The following CHRM3 variants were observed in gnomAD, a reference collection of about 807,000 sequenced individuals.
CHRM3 encodes cholinergic receptor muscarinic 3.
Under a neutral mutation model 41.8 loss-of-function variants are expected in CHRM3, and 11 were observed. That is an observed-to-expected ratio of 0.26 (90% CI 0.17 to 0.44). CHRM3 has a LOEUF of 0.44. Among genes scored for constraint, CHRM3 ranks in the 20% least tolerant of loss-of-function variants. CHRM3 has a pLI of 1.00. For missense variants in CHRM3, 571 were observed against 745.4 expected (o/e 0.77, Z 2.72); for synonymous variants, 297 against 301.4 (o/e 0.99, Z 0.15).
intron 1 of CHRM3, among the ~76,000 whole-genome samples, chr1:239,422,403 C>G (rs993120253): frequency 3.9e-5 from 6 of 151,982 alleles, no homozygotes; most frequent in African/African-American, 1.4e-4. Flanking sequence ...TTCTAGTTTA[C>G]CTTGTTTCCT....
intron 4 of CHRM3, among the ~76,000 whole-genome samples, chr1:239,652,520 C>T (rs544133925): frequency 6.6e-6 from 1 of 152,208 alleles, no homozygotes; most frequent in South Asian, 2.1e-4. Context: ...AATAATTTTA[C>T]CTGTTTTTTA....
chr1:239,443,800 G>A (rs1663914917), intron 1 of CHRM3, among the ~76,000 whole-genome samples: 1 of 152,128 alleles, frequency 6.6e-6, no homozygotes. Context: ...ACTCCTTGAA[G>A]GGTAGATATA....
chr1:239,402,528 C>T (rs1420319479), intron 1 of CHRM3, among the ~76,000 whole-genome samples: 4 of 152,152 alleles, frequency 2.6e-5, no homozygotes, highest in African/African-American at 7.2e-5. Flanking sequence ...TCCCTTTCCC[C>T]GCTCTGTCAT....
At chr1:239,638,080 A>G (rs1042853760) in intron 4 of CHRM3, among the ~76,000 whole-genome samples, 4 of 151,468 alleles carry the variant, frequency 2.6e-5, no homozygotes, top group African/African-American at 7.3e-5. Flanking sequence ...TGTCCCTACA[A>G]AGGACATGAA....
intron 2 of CHRM3, among the ~76,000 whole-genome samples, chr1:239,500,231 T>G (rs773483037): frequency 6.6e-6 from 1 of 152,078 alleles, no homozygotes; most frequent in Non-Finnish European, 1.5e-5. Flanking sequence ...TGTCCAAGAA[T>G]GATAGATTGG....
chr1:239,630,044 C>T (rs1453543045), intron 3 of CHRM3, among the ~76,000 whole-genome samples: 1 of 152,138 alleles, frequency 6.6e-6, no homozygotes, highest in African/African-American at 2.4e-5. Flanking sequence ...AAGCCAGTTC[C>T]TTTGCTTGTT....
chr1:239,780,237 G>A (rs546529633), intron 5 of CHRM3, among the ~76,000 whole-genome samples: 7 of 152,136 alleles, frequency 4.6e-5, no homozygotes, highest in African/African-American at 7.2e-5. Flanking sequence ...GCCATTTTGC[G>A]TTCCTGTTGG....
At chr1:239,706,238 A>G (rs1324778703) in intron 5 of CHRM3, 1 of 150,970 alleles carries the variant, frequency 6.6e-6, no homozygotes, top group East Asian at 1.9e-4. Flanking sequence ...TGTTATTATT[A>G]CATTCTAAAT....
chr1:239,760,281 C>A lies in CHRM3; in HGVS notation c.-146-66971C>A, dbSNP rs550511240. Reference sequence around the variant, plus strand: ...TTTTTCTCTCGAGAATTTGTCTCCGCAGTGGGTTCTCCACTCTTGATTTAG... The same window carrying A: ...TTTTTCTCTCGAGAATTTGTCTCCGAAGTGGGTTCTCCACTCTTGATTTAG... On this transcript the variant is annotated intron_variant, in intron 5 of 6. Coordinates refer to ENST00000676153, the MANE Select transcript of CHRM3 (RefSeq NM_001375978.1). Among the ~76,000 whole-genome samples the A allele has an allele frequency of 3.9e-5, 6 of 152,226 alleles. No individual in the cohort carries two copies. The East Asian group carries it at 1.2e-3, about 29-fold the overall frequency.
At chr1:239,810,896 C>T (rs911468135) in intron 5 of CHRM3, among the ~76,000 whole-genome samples, 2 of 152,202 alleles carry the variant, frequency 1.3e-5, no homozygotes, top group African/African-American at 4.8e-5. Flanking sequence ...AATTTCATTA[C>T]CAAGTACCTA....
intron 1 of CHRM3, among the ~76,000 whole-genome samples, chr1:239,459,384 A>G (rs1665194542): frequency 6.6e-6 from 1 of 152,154 alleles, no homozygotes; most frequent in Admixed American, 6.5e-5. Flanking sequence ...GGACCTATTT[A>G]ACCCTCTTAA....
intron 5 of CHRM3, among the ~76,000 whole-genome samples, chr1:239,752,111 A>G (rs1572180103): frequency 6.6e-6 from 1 of 152,304 alleles, no homozygotes; most frequent in Non-Finnish European, 1.5e-5. Context: ...GTCATTTTCA[A>G]TGTCACTCTA....
intron 2 of CHRM3, among the ~76,000 whole-genome samples, chr1:239,538,653 G>A (rs2148375078): frequency 6.6e-6 from 1 of 152,302 alleles, no homozygotes; most frequent in South Asian, 2.1e-4. Flanking sequence ...TGGAACATCA[G>A]CATAGCACAT....
intron 5 of CHRM3, among the ~76,000 whole-genome samples, chr1:239,766,930 T>C (rs974140652): frequency 6.6e-6 from 1 of 152,130 alleles, no homozygotes; most frequent in African/African-American, 2.4e-5. Flanking sequence ...CAGGCTGGTC[T>C]CGAACTCCTG....
intron 3 of CHRM3, among the ~76,000 whole-genome samples, chr1:239,548,560 T>C (rs1483339910): frequency 6.6e-6 from 1 of 152,256 alleles, no homozygotes; most frequent in East Asian, 1.9e-4. Flanking sequence ...TTCTTCAGCC[T>C]TTATAGATTT....
In CHRM3 at chr1:239,532,252, C is replaced by G. The variant is rs549406530; in HGVS notation, c.-421-13389C>G. ...GGTCTCAATCTCCTGACCTCATGAT[C>G]CGCCCACCTCGGCCTCCCAAAGTGC... is the stretch of plus-strand genomic sequence containing the variant. On this transcript the variant is annotated intron_variant, in intron 2 of 6. Coordinates refer to ENST00000676153, the MANE Select transcript of CHRM3 (RefSeq NM_001375978.1). Among the ~76,000 whole-genome samples, 16 of 147,658 alleles carry G rather than the reference C, an allele frequency of 1.1e-4. No individual in the cohort carries two copies. In the East Asian group the frequency reaches 3.4e-3, roughly 32 times the overall value.
chr1:239,431,954 A>G (rs1031507632), intron 1 of CHRM3, among the ~76,000 whole-genome samples: 9 of 152,128 alleles, frequency 5.9e-5, no homozygotes, highest in Non-Finnish European at 8.8e-5. Context: ...TGCTGTGAGT[A>G]TAGAGTAGGA....
intron 3 of CHRM3, among the ~76,000 whole-genome samples, chr1:239,556,416 A>G (rs779933625): frequency 1.3e-5 from 2 of 152,194 alleles, no homozygotes; most frequent in Non-Finnish European, 2.9e-5. Context: ...ATGGGACAAC[A>G]CAGTGTTGAG....
chr1:239,549,553 C>A (rs576311558), intron 3 of CHRM3, among the ~76,000 whole-genome samples: 1 of 149,992 alleles, frequency 6.7e-6, no homozygotes, highest in Admixed American at 6.6e-5. Flanking sequence ...CCCAGCTGCC[C>A]GGGAGGCTGA....
Sources: gnomAD v4.1 joint callset for allele counts (sites outside exome capture counted in the v4.1 genomes callset) on GRCh38, gnomAD v4.1.1 for gene constraint, MANE v1.5 for transcripts, NCBI Gene and HGNC (gene_info 2026-07-23, HGNC 2026-07-21) for gene names.